LONP2: variants seen among roughly 807,000 people sequenced by gnomAD.
The protein encoded by LONP2 is lon peptidase 2, peroxisomal.
LONP2 carries 60 observed loss-of-function variants against 85.6 expected under a neutral mutation model. The observed-to-expected ratio is 0.70, with a 90% CI of 0.57 to 0.87. The LOEUF (loss-of-function observed/expected upper bound fraction) is 0.87. Among genes scored for constraint, LONP2 ranks in the 40% least tolerant of loss-of-function variants. The probability of loss-of-function intolerance (pLI) is 0.00; values close to 1 mark genes in which losing one functional copy is unlikely to be tolerated. For missense variants in LONP2, 860 were observed against 1,063.5 expected (o/e 0.81, Z 2.66); for synonymous variants, 395 against 389.7 (o/e 1.01, Z -0.16).
intron 8 of LONP2, among the ~76,000 whole-genome samples, chr16:48,286,303 G>C (rs978610438): frequency 4.6e-5 from 7 of 151,914 alleles, no homozygotes; most frequent in African/African-American, 1.7e-4. Context: ...CACCAGGTCT[G>C]GCTAATTTTT....
intron 11 of LONP2, among the ~76,000 whole-genome samples, chr16:48,320,161 A>G (rs966152507): frequency 2.1e-5 from 3 of 142,872 alleles, no homozygotes; most frequent in Non-Finnish European, 4.5e-5. Context: ...CTCTGTCTCA[A>G]AAAAAAAAAA....
chr16:48,297,778 C>A (rs1189075805), intron 9 of LONP2, among the ~76,000 whole-genome samples: 1 of 152,056 alleles, frequency 6.6e-6, no homozygotes. Flanking sequence ...CAGCTCACTG[C>A]AACCTCTATG....
At chr16:48,284,642 C>T (rs1972399656) in intron 8 of LONP2, among the ~76,000 whole-genome samples, 1 of 152,124 alleles carries the variant, frequency 6.6e-6, no homozygotes, top group South Asian at 2.1e-4. Context: ...CTATTGCACA[C>T]TTAATAGACT....
intron 11 of LONP2, among the ~76,000 whole-genome samples, chr16:48,318,555 T>C (rs1431041368): frequency 6.6e-6 from 1 of 152,092 alleles, no homozygotes; most frequent in African/African-American, 2.4e-5. Flanking sequence ...CAAAATAAAA[T>C]ATTTGAATTT....
At chr16:48,348,544 G>C (rs1408322292) in intron 14 of LONP2, among the ~76,000 whole-genome samples, 1 of 147,172 alleles carries the variant, frequency 6.8e-6, no homozygotes, top group African/African-American at 2.5e-5. Context: ...GCCCAGGCTG[G>C]AGTGCAGTGG....
chr16:48,278,228 A>G (rs1972255198), intron 8 of LONP2, among the ~76,000 whole-genome samples: 3 of 151,970 alleles, frequency 2.0e-5, no homozygotes, highest in Admixed American at 2.0e-4. Context: ...TTTTTCACCA[A>G]TCGTCTAATT....
chr16:48,273,550 A>G (rs1365592856), intron 7 of LONP2, among the ~76,000 whole-genome samples: 1 of 152,150 alleles, frequency 6.6e-6, no homozygotes, highest in Non-Finnish European at 1.5e-5. Flanking sequence ...GATATTTCTC[A>G]TTTGGATTTA....
At chr16:48,288,071 T>C (rs1972484565) in intron 8 of LONP2, among the ~76,000 whole-genome samples, 1 of 152,152 alleles carries the variant, frequency 6.6e-6, no homozygotes, top group South Asian at 2.1e-4. Context: ...GAATCTCTTC[T>C]ATATTTGAGA....
In LONP2 at chr16:48,352,757, G is replaced by C. The variant is rs2151036585; in HGVS notation, c.*955G>C. 1 of 152,486 alleles carries C rather than the reference G, an allele frequency of 6.6e-6. No homozygotes were observed. Among genetic ancestry groups the C allele is most frequent in the East Asian group, 1.9e-4 (1 of 5,192 alleles). 9.4% of individuals were successfully genotyped at this position (152,486 alleles called of 1,614,324 possible). A position where few individuals can be genotyped will look rare whatever the true frequency, so the allele number is the denominator to read the frequency against. On this transcript the variant is annotated 3_prime_UTR_variant, in exon 15 of 15. Transcript: ENST00000285737. ...TGTATCCAGCAGAGTGGCACGTGCT[G>C]GCACACCTCACAGAAGCACCCTGGC...
intron 6 of LONP2, among the ~76,000 whole-genome samples, chr16:48,269,087 A>G (rs922904931): frequency 2.6e-5 from 4 of 152,062 alleles, no homozygotes; most frequent in African/African-American, 9.7e-5. Flanking sequence ...GCTAAATCTT[A>G]TTAGTAAACC....
intron 11 of LONP2, among the ~76,000 whole-genome samples, chr16:48,331,599 G>A (rs1421313820): frequency 7.0e-6 from 1 of 142,266 alleles, no homozygotes; most frequent in Non-Finnish European, 1.5e-5. Flanking sequence ...GAGTCTCACT[G>A]TGTCGCCCAG....
chr16:48,319,460 A>G (rs533531756), intron 11 of LONP2, among the ~76,000 whole-genome samples: 12 of 152,270 alleles, frequency 7.9e-5, no homozygotes, highest in African/African-American at 2.2e-4. Context: ...ACAGTCTTCT[A>G]CTTGTTACAG....
At chr16:48,282,298 C>G (rs1309328468) in intron 8 of LONP2, among the ~76,000 whole-genome samples, 1 of 151,668 alleles carries the variant, frequency 6.6e-6, no homozygotes, top group Non-Finnish European at 1.5e-5. Context: ...GTAATCCCAG[C>G]CACTCAGGAG....
downstream of LONP2, chr16:48,361,083 A>C (rs1960565914): frequency 6.5e-6 from 1 of 152,774 alleles, no homozygotes; most frequent in African/African-American, 2.4e-5. Context: ...TTAATGAAAA[A>C]CTAAAATTAA....
rs1051163787 is a variant in LONP2, at chr16:48,354,025, AGGTT to A, written c.*2233_*2236del. 1 of 110,536 alleles carries A rather than the reference AGGTT, an allele frequency of 9.0e-6. No homozygotes were observed. The highest frequency in any genetic ancestry group is 1.7e-5 in the Non-Finnish European group (1 of 57,528). 6.8% of individuals were successfully genotyped at this position (110,536 alleles called of 1,614,324 possible). On this transcript the variant is annotated 3_prime_UTR_variant, in exon 15 of 15. Coordinates refer to ENST00000285737, the MANE Select transcript of LONP2 (RefSeq NM_031490.5). ...TTTTTTTTTTAATTCCAGGGGTGGGAGGTTGGTTGGTTGAAGTCTAAGCTCTTCC... is the reference window on the plus strand; with the variant it reads ...TTTTTTTTTTAATTCCAGGGGTGGGAGGTTGGTTGAAGTCTAAGCTCTTCC...
intron 12 of LONP2, 71 bp downstream of exon 12, chr16:48,334,429 T>TAGGG: frequency 6.4e-7 from 1 of 1,570,488 alleles, no homozygotes; most frequent in Non-Finnish European, 8.8e-7. Flanking sequence ...CCCAGGGCCG[T>TAGGG]AGGGCCTGGG....
Position 48,296,076 on chromosome 16 carries a change from T to G in LONP2, c.1445T>G (p.Leu482Arg). The G allele has an allele frequency of 6.2e-7, 1 of 1,614,194 alleles. No homozygotes were observed. Among genetic ancestry groups the G allele is most frequent in the Non-Finnish European group, 8.5e-7 (1 of 1,180,018 alleles). The change falls in exon 9 of 15, where the codon CTT becomes CGT. Residue 482 changes from leucine (L) to arginine (R), a missense_variant. Transcript: ENST00000285737. ...CATTATCTAAATGTGGCCTTTGACC[T>G]TTCTCAAGTTCTTTTTATAGCTACT... is the stretch of plus-strand genomic sequence containing the variant. The part of the protein sequence containing the change: ...TDHYLNVAFD[L>R]SQVLFIATAN...
intron 11 of LONP2, among the ~76,000 whole-genome samples, chr16:48,324,213 C>T (rs1440097411): frequency 6.6e-6 from 1 of 152,168 alleles, no homozygotes; most frequent in Non-Finnish European, 1.5e-5. Flanking sequence ...ATAAGAAAGC[C>T]ACTCGAAATC....
intron 6 of LONP2, among the ~76,000 whole-genome samples, chr16:48,264,404 T>C (rs9932964): frequency 0.21 from 31,663 of 152,186 alleles, 4,057 homozygotes; most frequent in African/African-American, 0.36. Context: ...CGATATTTCT[T>C]CCATTTGCTT....
Sources: allele counts gnomAD v4.1 joint callset (sites outside exome capture counted in the v4.1 genomes callset), GRCh38; gene constraint gnomAD v4.1.1; transcripts MANE v1.5; gene names NCBI Gene and HGNC (gene_info 2026-07-23, HGNC 2026-07-21).